The following SRPK2 variants were observed in gnomAD, a reference collection of about 807,000 sequenced individuals.
SRPK2 encodes the protein SFRS protein kinase 2.
In SRPK2, 21 loss-of-function variants were observed where a neutral mutation model predicts 90.8. That is an observed-to-expected ratio of 0.23 (90% CI 0.16 to 0.33). The LOEUF is 0.33. SRPK2 is among the 10% of genes least tolerant of loss of function. The pLI is 1.00. For missense variants in SRPK2, 620 were observed against 869.0 expected (o/e 0.71, Z 3.60); for synonymous variants, 288 against 311.1 (o/e 0.93, Z 0.78).
intron 2 of SRPK2, among the ~76,000 whole-genome samples, chr7:105,266,494 T>C (rs1642571781): frequency 6.6e-6 from 1 of 152,156 alleles, no homozygotes; most frequent in Non-Finnish European, 1.5e-5. Context: ...TGATAACTTT[T>C]GGTTTGCTTA....
chr7:105,340,124 T>G (rs1815576364), intron 2 of SRPK2, among the ~76,000 whole-genome samples: 1 of 151,750 alleles, frequency 6.6e-6, no homozygotes, highest in Non-Finnish European at 1.5e-5. Context: ...ATATGCTTCA[T>G]CATCATTTTT....
At chr7:105,197,864 G>A (rs577130613) in intron 3 of SRPK2, among the ~76,000 whole-genome samples, 1 of 152,312 alleles carries the variant, frequency 6.6e-6, no homozygotes, top group East Asian at 1.9e-4. Flanking sequence ...CTGTACAAAG[G>A]TGCCAACTTA....
At chr7:105,164,440 G>C (rs534645996) in intron 6 of SRPK2, among the ~76,000 whole-genome samples, 2 of 152,086 alleles carry the variant, frequency 1.3e-5, no homozygotes, top group African/African-American at 4.8e-5. Context: ...TCCTTATTTG[G>C]CTACTCCTAA....
intron 9 of SRPK2, among the ~76,000 whole-genome samples, 175 bp downstream of exon 9, chr7:105,145,107 CA>C (rs10718877): frequency 0.76 from 81,846 of 108,078 alleles, 29,410 homozygotes; most frequent in Non-Finnish European, 0.8. Context: ...ACTCAGTTTT[CA>C]AAAAAAAAAA....
At chr7:105,259,936 G>A (rs1039821834) in intron 2 of SRPK2, among the ~76,000 whole-genome samples, 3 of 152,162 alleles carry the variant, frequency 2.0e-5, no homozygotes, top group Non-Finnish European at 4.4e-5. Context: ...AAAAACCCTA[G>A]AAGAAAACCT....
At chr7:105,384,964 C>T (rs1188940729) in intron 2 of SRPK2, among the ~76,000 whole-genome samples, 1 of 151,442 alleles carries the variant, frequency 6.6e-6, no homozygotes, top group Non-Finnish European at 1.5e-5. Flanking sequence ...GCAAGCTCCG[C>T]CTCCCGGGTT....
At chr7:105,389,749 A>T (rs555073035), upstream of SRPK2, among the ~76,000 whole-genome samples, 5 of 152,230 alleles carry the variant, frequency 3.3e-5, no homozygotes, top group Non-Finnish European at 5.9e-5. Flanking sequence ...GGCTGCCTAC[A>T]AAAGATGTGA....
chr7:105,376,534 C>CTT (rs376600508), intron 2 of SRPK2, among the ~76,000 whole-genome samples: 2 of 142,402 alleles, frequency 1.4e-5, no homozygotes, highest in East Asian at 4.1e-4. Context: ...TCCTTTTTTT[C>CTT]TTTTTTTTTT....
intron 2 of SRPK2, among the ~76,000 whole-genome samples, chr7:105,348,481 A>G (rs1470512393): frequency 3.3e-5 from 5 of 149,478 alleles, no homozygotes; most frequent in Non-Finnish European, 5.9e-5. Context: ...CTGGAGTGCA[A>G]TGGCATGATC....
chr7:105,376,341 C>G (rs1332089548), intron 2 of SRPK2, among the ~76,000 whole-genome samples: 4 of 150,640 alleles, frequency 2.7e-5, no homozygotes, highest in Admixed American at 6.6e-5. Context: ...ACACACACCC[C>G]TACGGCATTC....
At chr7:105,375,262 A>G (rs1338672378) in intron 2 of SRPK2, among the ~76,000 whole-genome samples, 3 of 152,222 alleles carry the variant, frequency 2.0e-5, no homozygotes, top group Non-Finnish European at 4.4e-5. Context: ...GCAAAACAAT[A>G]CTGAGATAGG....
At chr7:105,322,111 C>A (rs1813004667) in intron 2 of SRPK2, among the ~76,000 whole-genome samples, 1 of 152,002 alleles carries the variant, frequency 6.6e-6, no homozygotes. Flanking sequence ...ACTATGTAGC[C>A]ATAAAAAGGA....
chr7:105,303,053 G>A (rs754569623), intron 2 of SRPK2, among the ~76,000 whole-genome samples: 5 of 151,846 alleles, frequency 3.3e-5, no homozygotes, highest in African/African-American at 9.7e-5. Flanking sequence ...CAGCCTGGGC[G>A]ACAGAACAAG....
At chr7:105,160,700 C>G in intron 6 of SRPK2, 87 bp from the exon 7 acceptor site, 1 of 703,158 alleles carries the variant, frequency 1.4e-6, no homozygotes, top group South Asian at 1.8e-5. Context: ...ACTTGCAAAG[C>G]ACTTATTACT....
chr7:105,121,037 G>T (rs1485926915), intron 15 of SRPK2, among the ~76,000 whole-genome samples: 3 of 152,128 alleles, frequency 2.0e-5, no homozygotes, highest in African/African-American at 7.2e-5. Flanking sequence ...TATAAAAGTA[G>T]CACCCTAACA....
chr7:105,340,642 CTA>C (rs926791941), intron 2 of SRPK2, among the ~76,000 whole-genome samples: 35 of 152,014 alleles, frequency 2.3e-4, no homozygotes, highest in African/African-American at 8.5e-4. Context: ...CTAGGTTTCA[CTA>C]TGTTTTCCAT....
chr7:105,324,084 C>T (rs753594091), intron 2 of SRPK2, among the ~76,000 whole-genome samples: 1 of 151,184 alleles, frequency 6.6e-6, no homozygotes, highest in Non-Finnish European at 1.5e-5. Context: ...GCAACCTCCA[C>T]CTCCCGGGTT....
At chr7:105,204,828 G>A (rs1023033059) in intron 2 of SRPK2, 8 of 490,150 alleles carry the variant, frequency 1.6e-5, no homozygotes, top group Non-Finnish European at 3.2e-5. Flanking sequence ...GGGTATAGCC[G>A]TTGTCAATGA....
chr7:105,149,302 A>G (rs146638034), intron 7 of SRPK2, among the ~76,000 whole-genome samples: 2,912 of 152,270 alleles, frequency 0.019, 74 homozygotes, highest in African/African-American at 0.059. Flanking sequence ...TTACTCCACT[A>G]AGATGTTTGG....
Sources: gnomAD v4.1 joint callset for allele counts (sites outside exome capture counted in the v4.1 genomes callset) on GRCh38, gnomAD v4.1.1 for gene constraint, MANE v1.5 for transcripts, NCBI Gene and HGNC (gene_info 2026-07-23, HGNC 2026-07-21) for gene names.